PLCG2: variants seen among roughly 807,000 people sequenced by gnomAD.
The protein encoded by PLCG2 is phospholipase C gamma 2, also known as 1-phosphatidylinositol 4,5-bisphosphate phosphodiesterase gamma-2.
Under a neutral mutation model 175.6 loss-of-function variants are expected in PLCG2, and 69 were observed. The observed-to-expected ratio is 0.39, with a 90% CI of 0.32 to 0.48. The LOEUF (loss-of-function observed/expected upper bound fraction) is 0.48. Ranked by LOEUF, PLCG2 falls within the 20% of genes least tolerant of loss-of-function variation. The pLI, the probability that PLCG2 is intolerant of heterozygous loss-of-function variation, is 0.91. For synonymous variants in PLCG2, 827 were observed against 624.0 expected, an observed-to-expected ratio of 1.33 and a Z score of -4.85; for missense variants, 1,798 against 1,650.9, an observed-to-expected ratio of 1.09 and a Z score of -1.54.
intron 13 of PLCG2, 122 bp downstream of exon 13, chr16:81,896,049 C>A: frequency 7.8e-7 from 1 of 1,279,988 alleles, no homozygotes; most frequent in South Asian, 1.3e-5. Context: ...AAGGCCTGGG[C>A]CCCATCTTGG....
upstream of PLCG2, among the ~76,000 whole-genome samples, chr16:81,778,029 A>AAAAAAAAC (rs1555505429): frequency 4.6e-5 from 2 of 43,904 alleles, no homozygotes; most frequent in Non-Finnish European, 9.3e-5. Flanking sequence ...AAAAAAAAAA[A>AAAAAAAAC]AACAAAAAAA....
At chr16:81,859,092 C>G (rs1420798978) in intron 4 of PLCG2, 24 bp from the exon 5 acceptor site, 11 of 1,468,166 alleles carry the variant, frequency 7.5e-6, no homozygotes, top group African/African-American at 1.4e-5. Context: ...TTCTCTCTTT[C>G]TTTTGTCTCA....
At chr16:81,859,935 C>T (rs912671184) in intron 5 of PLCG2, among the ~76,000 whole-genome samples, 1 of 152,108 alleles carries the variant, frequency 6.6e-6, no homozygotes, top group Non-Finnish European at 1.5e-5. Flanking sequence ...CTTGGAGAAG[C>T]TCCCTATCAG....
Position 81,814,681 on chromosome 16 carries a change from C to T in PLCG2, c.193+28499C>T, listed in dbSNP as rs537279754. Among the ~76,000 whole-genome samples, 25 of 151,824 alleles carry T rather than the reference C, an allele frequency of 1.6e-4. No individual in the cohort carries two copies. In the South Asian group the frequency reaches 4.8e-3, roughly 29 times the overall value. On this transcript the variant is annotated intron_variant, in intron 2 of 32. Transcript: ENST00000564138. ...CTGCACTCCAGCCTGGGCAACAGTA[C>T]GAGACTCTGTCTCAAAAGAAAAAAA... is the stretch of plus-strand genomic sequence containing the variant.
At chr16:81,907,360 A>G (rs947320245) in intron 15 of PLCG2, among the ~76,000 whole-genome samples, 2 of 152,170 alleles carry the variant, frequency 1.3e-5, no homozygotes, top group Admixed American at 1.3e-4. Flanking sequence ...AGGTCTCCAG[A>G]CAAACTGGCT....
At chr16:81,858,198 G>C in intron 3 of PLCG2, 65 bp from the exon 4 acceptor site, 1 of 1,135,626 alleles carries the variant, frequency 8.8e-7, no homozygotes, top group Non-Finnish European at 1.3e-6. Flanking sequence ...TATGGGGCAG[G>C]GCTTTGTAAG....
chr16:81,926,578 G>A (rs779338778), intron 22 of PLCG2, among the ~76,000 whole-genome samples: 3 of 152,200 alleles, frequency 2.0e-5, no homozygotes, highest in Non-Finnish European at 4.4e-5. Flanking sequence ...GCTGTCCCAA[G>A]CACTCAGCTT....
chr16:81,804,605 C>A (rs1911907436), intron 2 of PLCG2, among the ~76,000 whole-genome samples: 2 of 152,170 alleles, frequency 1.3e-5, no homozygotes, highest in African/African-American at 4.8e-5. Flanking sequence ...TGTCTTAGTT[C>A]CCTCAGTAGA....
At chr16:81,881,546 C>T (rs768418848) in intron 8 of PLCG2, among the ~76,000 whole-genome samples, 9 of 152,202 alleles carry the variant, frequency 5.9e-5, no homozygotes, top group Non-Finnish European at 8.8e-5. Flanking sequence ...GTCTGGGGTA[C>T]GTTGATCCAG....
rs140276699 is a variant in PLCG2 at position 81,954,783 on chromosome 16, G to A, written c.3571-1912G>A. 2.5e-3 allele frequency among the ~76,000 whole-genome samples: 374 copies of A among 152,212 alleles called. 3 individuals carry two copies. Among genetic ancestry groups the A allele is most frequent in the African/African-American group, 8.5e-3 (353 of 41,520 alleles). ...GTTCCATGTCTTTGCTGTTGTACAT[G>A]GTGCTGCAGTAAACTTACATGTGCG... is the stretch of plus-strand genomic sequence containing the variant. On this transcript the variant is annotated intron_variant, in intron 31 of 32. Transcript: ENST00000564138.
chr16:81,767,145 T>G (rs1363330069), intron 2 of PLCG2, among the ~76,000 whole-genome samples: 2 of 138,430 alleles, frequency 1.4e-5, no homozygotes, highest in African/African-American at 5.4e-5. Flanking sequence ...GGTTTTTTTT[T>G]TTTTTTTTTT....
rs1196895749 is a variant in PLCG2 at position 81,958,837 on chromosome 16, G to A, written c.*839G>A. ...GGCCCTTGGTCCACAGCTCTCCACA[G>A]GCAAGAGGTCAACTGCTGCTTGAAA... On this transcript the variant is annotated 3_prime_UTR_variant, in exon 33 of 33. Transcript: ENST00000564138. 1 of 221,882 alleles carries A rather than the reference G, an allele frequency of 4.5e-6. No homozygotes were observed. The highest frequency in any genetic ancestry group is 1.8e-4 in the South Asian group (1 of 5,448). The allele number at this position is 221,882 out of a possible 1,614,324, so 13.7% of individuals were successfully genotyped here.
intron 19 of PLCG2, among the ~76,000 whole-genome samples, chr16:81,915,895 T>C (rs1909819484): frequency 6.6e-6 from 1 of 152,220 alleles, no homozygotes; most frequent in South Asian, 2.1e-4. Context: ...GACATTACAG[T>C]GAAGGCTAAA....
intron 31 of PLCG2, among the ~76,000 whole-genome samples, chr16:81,951,553 A>C (rs1911366306): frequency 6.6e-6 from 1 of 152,214 alleles, no homozygotes; most frequent in Non-Finnish European, 1.5e-5. Context: ...AGAACAATGG[A>C]AATCCTTCTT....
At chr16:81,826,186 C>T (rs1358701672) in intron 2 of PLCG2, among the ~76,000 whole-genome samples, 4 of 152,214 alleles carry the variant, frequency 2.6e-5, no homozygotes, top group African/African-American at 4.8e-5. Flanking sequence ...CTAGAGTCCT[C>T]CTCGGCCCCT....
At chr16:81,951,282 C>A (rs1911355848) in intron 31 of PLCG2, among the ~76,000 whole-genome samples, 1 of 152,124 alleles carries the variant, frequency 6.6e-6, no homozygotes, top group Non-Finnish European at 1.5e-5. Flanking sequence ...ACCAGTTAAA[C>A]TCTTTGCCTA....
intron 26 of PLCG2, chr16:81,935,910 TA>T (rs913366973): frequency 7.1e-4 from 643 of 903,598 alleles, no homozygotes; most frequent in African/African-American, 1.2e-3. Context: ...GGTGATAGTT[TA>T]AAAAAAAAAG....
intron 2 of PLCG2, among the ~76,000 whole-genome samples, chr16:81,848,742 G>A (rs757476607): frequency 6.6e-6 from 1 of 152,176 alleles, no homozygotes; most frequent in Non-Finnish European, 1.5e-5. Context: ...TCTGATAGGG[G>A]TGGAGCTCAG....
At chr16:81,899,260 G>T (rs1199540966) in intron 13 of PLCG2, among the ~76,000 whole-genome samples, 1 of 139,926 alleles carries the variant, frequency 7.1e-6, no homozygotes, top group Non-Finnish European at 1.5e-5. Flanking sequence ...GCCTCAGGAG[G>T]AGTATGTGTG....
Sources: gnomAD v4.1 joint callset for allele counts (sites outside exome capture counted in the v4.1 genomes callset) on GRCh38, gnomAD v4.1.1 for gene constraint, MANE v1.5 for transcripts, NCBI Gene and HGNC (gene_info 2026-07-23, HGNC 2026-07-21) for gene names.